Variants in TET1 observed in about 807,000 individuals in gnomAD.
TET1 encodes methylcytosine dioxygenase TET1.
TET1 carries 13 observed loss-of-function variants against 148.7 expected under a neutral mutation model. The ratio of observed to expected loss-of-function variants is 0.09; its 90% confidence interval spans 0.06 to 0.14. The LOEUF is 0.14. TET1 is among the 10% of genes least tolerant of loss of function. The pLI is 1.00. For missense variants in TET1, 2,182 were observed against 2,553.8 expected (o/e 0.85, Z 3.14); for synonymous variants, 907 against 937.2 (o/e 0.97, Z 0.59).
At chr10:68,669,799 G>A (rs369916928) in intron 7 of TET1, among the ~76,000 whole-genome samples, 3 of 151,786 alleles carry the variant, frequency 2.0e-5, no homozygotes, top group Non-Finnish European at 2.9e-5. Context: ...ACAGGCGCCC[G>A]CCACCACGTC....
chr10:68,678,767 A>G (rs1025614170), intron 8 of TET1, among the ~76,000 whole-genome samples: 1 of 152,188 alleles, frequency 6.6e-6, no homozygotes, highest in Non-Finnish European at 1.5e-5. Flanking sequence ...TTGACCACCA[A>G]TAGGTAAAGA....
intron 3 of TET1, among the ~76,000 whole-genome samples, chr10:68,603,780 C>A (rs2054087975): frequency 6.6e-6 from 1 of 152,116 alleles, no homozygotes; most frequent in Non-Finnish European, 1.5e-5. Context: ...TGTCTCCCAC[C>A]ACCAAAAGAA....
intron 6 of TET1, 87 bp from the exon 7 acceptor site, chr10:68,666,958 A>C: frequency 8.9e-7 from 1 of 1,128,518 alleles, no homozygotes; most frequent in Non-Finnish European, 1.2e-6. Flanking sequence ...ACTAAAATAT[A>C]ATCATGGAGA....
chr10:68,571,568 T>G (rs2053670319), intron 1 of TET1, among the ~76,000 whole-genome samples: 1 of 151,870 alleles, frequency 6.6e-6, no homozygotes, highest in Non-Finnish European at 1.5e-5. Context: ...GCCTGGCAAT[T>G]TTTGTATTTT....
intron 6 of TET1, among the ~76,000 whole-genome samples, chr10:68,666,480 T>C (rs72799543): frequency 0.098 from 14,923 of 152,246 alleles, 1,019 homozygotes; most frequent in South Asian, 0.18. Flanking sequence ...GTTATTTCCA[T>C]CTAACTACAT....
At chr10:68,678,052 C>T (rs1169947343) in intron 8 of TET1, among the ~76,000 whole-genome samples, 3 of 152,216 alleles carry the variant, frequency 2.0e-5, no homozygotes, top group Admixed American at 6.5e-5. Flanking sequence ...TGAGCCACCA[C>T]GCCCAGCCAG....
At chr10:68,626,683 T>G (rs2054487815) in intron 3 of TET1, among the ~76,000 whole-genome samples, 1 of 151,880 alleles carries the variant, frequency 6.6e-6, no homozygotes, top group Admixed American at 6.6e-5. Context: ...CTCGAGTAGC[T>G]GGGATTATAG....
chr10:68,587,909 C>T (rs568009743), intron 2 of TET1, among the ~76,000 whole-genome samples: 1 of 152,284 alleles, frequency 6.6e-6, no homozygotes, highest in South Asian at 2.1e-4. Flanking sequence ...GAGACAGTCT[C>T]ACTCTATCAC....
intron 10 of TET1, 72 bp from the exon 11 acceptor site, chr10:68,686,284 A>T: frequency 7.6e-7 from 1 of 1,308,384 alleles, no homozygotes; most frequent in Non-Finnish European, 1.1e-6. Flanking sequence ...CAACAACACG[A>T]AGGTAGGAAT....
chr10:68,663,276 A>G (rs1371341731), intron 6 of TET1, among the ~76,000 whole-genome samples: 2 of 152,170 alleles, frequency 1.3e-5, no homozygotes, highest in East Asian at 3.8e-4. Flanking sequence ...CTCATTTAGG[A>G]ACACTATTAT....
intron 8 of TET1, among the ~76,000 whole-genome samples, chr10:68,679,227 C>G (rs2055404284): frequency 6.6e-6 from 1 of 152,110 alleles, no homozygotes; most frequent in Non-Finnish European, 1.5e-5. Context: ...CAACAGTGAA[C>G]TGTACAAACT....
At chr10:68,596,803 A>C (rs969512809) in intron 2 of TET1, among the ~76,000 whole-genome samples, 1 of 152,078 alleles carries the variant, frequency 6.6e-6, no homozygotes, top group African/African-American at 2.4e-5. Flanking sequence ...CCTTGGCTTT[A>C]TTTATTATCC....
chr10:68,574,370 A>G (rs1309381952), intron 2 of TET1, 118 bp downstream of exon 2: 2 of 793,144 alleles, frequency 2.5e-6, no homozygotes, highest in South Asian at 1.9e-5. Context: ...TCACTATTAC[A>G]TATTTTTACT....
intron 3 of TET1, among the ~76,000 whole-genome samples, chr10:68,626,430 G>A (rs920524194): frequency 1.2e-4 from 18 of 150,562 alleles, no homozygotes; most frequent in African/African-American, 4.4e-4. Flanking sequence ...CGAACTCCTG[G>A]CCTCAAGGGA....
intron 3 of TET1, among the ~76,000 whole-genome samples, chr10:68,622,561 C>T (rs938698106): frequency 1.3e-5 from 2 of 151,928 alleles, no homozygotes; most frequent in East Asian, 1.9e-4. Context: ...CCACCACACC[C>T]GGCCCCTCAT....
intron 3 of TET1, among the ~76,000 whole-genome samples, chr10:68,608,002 C>T (rs549479987): frequency 6.6e-6 from 1 of 151,420 alleles, no homozygotes; most frequent in South Asian, 2.1e-4. Flanking sequence ...AATCTCGGCT[C>T]ACTGCAGCCT....
intron 11 of TET1, among the ~76,000 whole-genome samples, chr10:68,687,687 C>T (rs926879824): frequency 6.6e-6 from 1 of 151,488 alleles, no homozygotes; most frequent in African/African-American, 2.4e-5. Flanking sequence ...CTTCCAGGCT[C>T]AAGCAATCCT....
Position 68,646,584 on chromosome 10 carries a change from G to C in TET1, c.3855G>C (p.Gln1285His), listed in dbSNP as rs2054852470. The change falls in exon 4 of 12, where the codon CAG becomes CAC. Residue 1285 changes from glutamine (Q) to histidine (H), a missense_variant. Physicochemically the swap from Gln to His is conservative, Grantham distance 24. Around this residue, in one of 11 missense-constraint regions of TET1, gnomAD observed 582 missense variants for 599.5 expected, o/e 0.97. Transcript: ENST00000373644. ...KAFTDKAYNS[Q>H]VQLTVNANQK... ...TCACTGATAAAGCTTATAATTCTCA[G>C]GTACAGTTAACGGTGAATGCCAATC... is the stretch of plus-strand genomic sequence containing the variant. 1 of 1,614,174 alleles carries C rather than the reference G, an allele frequency of 6.2e-7. No individual in the cohort carries two copies. Among genetic ancestry groups the C allele is most frequent in the African/African-American group, 1.3e-5 (1 of 75,042 alleles).
Position 68,646,334 on chromosome 10 carries a change from G to C in TET1, c.3605G>C (p.Cys1202Ser). The part of the protein sequence containing the change: ...ASKFQNFGQF[C>S]PHDFPTVFGK... ...AAATTTCAAAATTTTGGGCAATTTT[G>C]TCCACATGATTTTCCTACTGTATTT... Residue 1202 changes from cysteine to serine, a missense_variant, in exon 4 of 12, where the codon TGT becomes TCT. Cys to Ser is a moderately radical substitution (Grantham distance 112, BLOSUM62 -1). Around this residue, in one of 11 missense-constraint regions of TET1, gnomAD observed 582 missense variants for 599.5 expected, o/e 0.97. Coordinates refer to ENST00000373644, the MANE Select transcript of TET1 (RefSeq NM_030625.3). 2 of 1,614,108 alleles carry C rather than the reference G, an allele frequency of 1.2e-6. No individual in the cohort carries two copies. The highest frequency in any genetic ancestry group is 2.7e-5 in the African/African-American group (2 of 75,018).
Sources: allele counts gnomAD v4.1 joint callset (sites outside exome capture counted in the v4.1 genomes callset), GRCh38; gene constraint gnomAD v4.1.1; regional missense constraint gnomAD v4.1.1; transcripts MANE v1.5; gene names NCBI Gene and HGNC (gene_info 2026-07-23, HGNC 2026-07-21).